The following SPON1 variants were observed in gnomAD, a reference collection of about 807,000 sequenced individuals.
SPON1 encodes spondin 1.
SPON1 carries 52 observed loss-of-function variants against 111.7 expected under a neutral mutation model. The observed-to-expected ratio is 0.47, with a 90% confidence interval of 0.37 to 0.59. SPON1 has a LOEUF of 0.59. SPON1 is among the 20% of genes least tolerant of loss of function. The pLI, the probability that SPON1 is intolerant of heterozygous loss-of-function variation, is 0.00. For missense variants in SPON1, 957 were observed against 1,068.5 expected (o/e 0.90, Z 1.46); for synonymous variants, 410 against 395.8 (o/e 1.04, Z -0.43).
intron 2 of SPON1, among the ~76,000 whole-genome samples, chr11:14,031,909 TAGAA>T: frequency 6.6e-6 from 1 of 152,340 alleles, no homozygotes; most frequent in Middle Eastern, 3.4e-3. Context: ...CTGAAGTAGT[TAGAA>T]AGCCCTTCCT....
At chr11:14,048,295 A>T (rs1554918061) in intron 3 of SPON1, among the ~76,000 whole-genome samples, 1 of 152,208 alleles carries the variant, frequency 6.6e-6, no homozygotes, top group Non-Finnish European at 1.5e-5. Context: ...AGTTCAGGAC[A>T]GATAAAGAGG....
chr11:14,263,873 A>T (rs1196496332), intron 15 of SPON1, among the ~76,000 whole-genome samples: 2 of 152,066 alleles, frequency 1.3e-5, no homozygotes, highest in Non-Finnish European at 2.9e-5. Context: ...TACTAAAAGT[A>T]CAAAAATTAG....
intron 6 of SPON1, among the ~76,000 whole-genome samples, chr11:14,160,642 CATATATTT>C (rs1440031537): frequency 2.3e-4 from 2 of 8,816 alleles, no homozygotes; most frequent in East Asian, 7.5e-3. Context: ...TATATATTTA[CATATATTT>C]ATATATTTAT....
At chr11:14,026,311 A>G (rs10832161) in intron 2 of SPON1, among the ~76,000 whole-genome samples, 45,269 of 152,174 alleles carry the variant, frequency 0.3, 7,878 homozygotes, top group South Asian at 0.51. Context: ...GAGTGTTACC[A>G]TAAATCTATA....
At chr11:14,047,889 C>A (rs1293037119) in intron 3 of SPON1, among the ~76,000 whole-genome samples, 2 of 152,110 alleles carry the variant, frequency 1.3e-5, no homozygotes, top group African/African-American at 4.8e-5. Context: ...GTTGAGGGAG[C>A]CATTAGTAGT....
At chr11:14,163,357 G>T (rs1449580074) in intron 6 of SPON1, among the ~76,000 whole-genome samples, 1 of 152,184 alleles carries the variant, frequency 6.6e-6, no homozygotes, top group African/African-American at 2.4e-5. Flanking sequence ...CAACTTACAT[G>T]TGTACCACAC....
chr11:14,192,655 C>T (rs1848359179), intron 6 of SPON1, among the ~76,000 whole-genome samples: 1 of 152,046 alleles, frequency 6.6e-6, no homozygotes, highest in South Asian at 2.1e-4. Flanking sequence ...CACACATACC[C>T]CTGACTGAAA....
intron 3 of SPON1, among the ~76,000 whole-genome samples, chr11:14,058,124 T>C (rs1848761612): frequency 6.6e-6 from 1 of 152,034 alleles, no homozygotes; most frequent in Non-Finnish European, 1.5e-5. Flanking sequence ...CTCCCTGGCT[T>C]TTTTCTCTCA....
intron 2 of SPON1, among the ~76,000 whole-genome samples, chr11:14,041,077 T>G (rs1554917224): frequency 6.6e-6 from 1 of 152,208 alleles, no homozygotes; most frequent in Non-Finnish European, 1.5e-5. Flanking sequence ...GCTGGGATAC[T>G]TTATATACTT....
At chr11:14,089,824 G>A (rs782645599) in intron 5 of SPON1, among the ~76,000 whole-genome samples, 13 of 152,292 alleles carry the variant, frequency 8.5e-5, no homozygotes, top group South Asian at 2.1e-4. Flanking sequence ...TGGGCCTGCC[G>A]CCTTTCTTTC....
At position 14,254,559 on chromosome 11, in the gene SPON1, G is replaced by T; in HGVS notation, c.922G>T (p.Asp308Tyr). Residue 308 changes from aspartate (D) to tyrosine (Y), a missense_variant, in exon 8 of 16, where the codon GAC (aspartate) becomes TAC (tyrosine). By Grantham distance (160) the Asp-to-Tyr change is radical. This residue lies in a region of SPON1 where 122 missense variants were observed against 143.2 expected (regional missense o/e 0.85). Transcript: ENST00000576479. ...RAAPSAEFSV[D>Y]RTRHLMSFLT... ...AGCACCTTCAGCTGAATTTTCCGTG[G>T]ACAGAACGCGCCATTTAATGTCCTT... 1 of 1,611,354 alleles carries T rather than the reference G, an allele frequency of 6.2e-7. No homozygotes were observed. The highest frequency in any genetic ancestry group is 8.5e-7 in the Non-Finnish European group (1 of 1,178,514).
intron 5 of SPON1, among the ~76,000 whole-genome samples, chr11:14,106,996 AAGAGTTTAATT>A (rs1849189780): frequency 6.6e-6 from 1 of 152,152 alleles, no homozygotes; most frequent in Admixed American, 6.6e-5. Context: ...AACCACCAGC[AAGAGTTTAATT>A]AAACTCTGTC....
At chr11:14,016,940 C>T (rs1423861339) in intron 2 of SPON1, among the ~76,000 whole-genome samples, 2 of 152,204 alleles carry the variant, frequency 1.3e-5, no homozygotes, top group Non-Finnish European at 2.9e-5. Flanking sequence ...ACTTTTGCTA[C>T]CAGGATGGGC....
At chr11:14,104,950 G>A (rs1256422030) in intron 5 of SPON1, among the ~76,000 whole-genome samples, 2 of 152,022 alleles carry the variant, frequency 1.3e-5, no homozygotes, top group South Asian at 2.1e-4. Flanking sequence ...TGAAGTCCTT[G>A]TCTACTTATG....
At chr11:14,045,295 C>T (rs1371732498) in intron 3 of SPON1, among the ~76,000 whole-genome samples, 1 of 152,134 alleles carries the variant, frequency 6.6e-6, no homozygotes, top group African/African-American at 2.4e-5. Context: ...CACGGCCGGG[C>T]GTGGTGGCTC....
At chr11:14,102,519 T>C (rs1346351059) in intron 5 of SPON1, among the ~76,000 whole-genome samples, 1 of 152,200 alleles carries the variant, frequency 6.6e-6, no homozygotes, top group Non-Finnish European at 1.5e-5. Context: ...AGTAGCTACA[T>C]GTAGCTGGTG....
intron 3 of SPON1, among the ~76,000 whole-genome samples, chr11:14,048,989 A>G (rs1164101371): frequency 6.6e-6 from 1 of 152,194 alleles, no homozygotes; most frequent in Non-Finnish European, 1.5e-5. Context: ...GACGTAAGAG[A>G]CAAGAGCCAG....
At chr11:14,041,303 C>T (rs1173247050) in intron 2 of SPON1, among the ~76,000 whole-genome samples, 1 of 152,120 alleles carries the variant, frequency 6.6e-6, no homozygotes. Context: ...TCCCAGAGAG[C>T]AAAGATGTGC....
chr11:14,080,477 C>G (rs1463042890), intron 5 of SPON1, among the ~76,000 whole-genome samples: 3 of 152,164 alleles, frequency 2.0e-5, no homozygotes, highest in Non-Finnish European at 4.4e-5. Flanking sequence ...GCTCCACCCA[C>G]CTTGGCCTCC....
Sources: allele counts gnomAD v4.1 joint callset (sites outside exome capture counted in the v4.1 genomes callset), GRCh38; gene constraint gnomAD v4.1.1; regional missense constraint gnomAD v4.1.1; transcripts MANE v1.5; gene names NCBI Gene and HGNC (gene_info 2026-07-23, HGNC 2026-07-21).